SLC16A7: variants seen among roughly 807,000 people sequenced by gnomAD.
The protein encoded by SLC16A7 is solute carrier family 16 member 7.
Under a neutral mutation model 34.9 loss-of-function variants are expected in SLC16A7, and 33 were observed. The ratio of observed to expected loss-of-function variants is 0.94; its 90% CI spans 0.72 to 1.26. The LOEUF (loss-of-function observed/expected upper bound fraction) is 1.26, where lower values mean the gene tolerates loss of function less well. Among genes scored for constraint, SLC16A7 ranks in the 50% most tolerant of loss-of-function variants. The pLI, the probability that SLC16A7 is intolerant of heterozygous loss-of-function variation, is 0.00. For missense variants in SLC16A7, 573 were observed against 578.1 expected, an observed-to-expected ratio of 0.99 and a Z score of 0.09; for synonymous variants, 201 against 206.6, an observed-to-expected ratio of 0.97 and a Z score of 0.23.
At chr12:59,721,562 A>C (rs544367437) in intron 3 of SLC16A7, among the ~76,000 whole-genome samples, 1 of 152,110 alleles carries the variant, frequency 6.6e-6, no homozygotes, top group South Asian at 2.1e-4. Flanking sequence ...TATTTAGACC[A>C]ATGTTACCTG....
Position 59,769,263 on chromosome 12 carries a change from T to G in SLC16A7, c.218-1956T>G, listed in dbSNP as rs189790317. 6 of 152,302 alleles carry G rather than the reference T, an allele frequency of 3.9e-5. No individual in the cohort carries two copies. In the East Asian group the frequency reaches 9.6e-4, roughly 24 times the overall value. The allele number at this position is 152,302 out of a possible 1,614,324, so 9.4% of individuals were successfully genotyped here. Reference sequence around the variant, plus strand: ...TATATGCACTGAGAAACCAAAAAATTTGTGACTCACTTTATTGCAATATTC... The same window carrying G: ...TATATGCACTGAGAAACCAAAAAATGTGTGACTCACTTTATTGCAATATTC... On this transcript the variant is annotated intron_variant, in intron 3 of 5. Transcript: ENST00000547379.
At chr12:59,672,030 TCGC>T (rs1565641222) in intron 2 of SLC16A7, among the ~76,000 whole-genome samples, 9 of 506 alleles carry the variant, frequency 0.018, 2 homozygotes, top group South Asian at 0.083. Flanking sequence ...TGTGTATATA[TCGC>T]ATATATCCGT....
At chr12:59,760,572 G>A (rs553476588) in intron 3 of SLC16A7, among the ~76,000 whole-genome samples, 6 of 152,124 alleles carry the variant, frequency 3.9e-5, no homozygotes, top group East Asian at 1.9e-4. Context: ...TAAAAGTTAC[G>A]TGAATGTGGT....
At chr12:59,627,565 C>G (rs1879984763) in intron 1 of SLC16A7, among the ~76,000 whole-genome samples, 1 of 151,788 alleles carries the variant, frequency 6.6e-6, no homozygotes, top group Non-Finnish European at 1.5e-5. Context: ...CACAAAGCTT[C>G]AGAGGAAGAC....
intron 2 of SLC16A7, among the ~76,000 whole-genome samples, chr12:59,701,704 C>G (rs1220797901): frequency 6.6e-6 from 1 of 151,474 alleles, no homozygotes; most frequent in Non-Finnish European, 1.5e-5. Flanking sequence ...GCATAGTTTC[C>G]TGTCTGTAAA....
chr12:59,765,990 G>A (rs995364529), intron 3 of SLC16A7, among the ~76,000 whole-genome samples: 4 of 152,066 alleles, frequency 2.6e-5, no homozygotes, highest in African/African-American at 9.7e-5. Context: ...CCATTTGTTT[G>A]TATCCTCTTT....
intron 3 of SLC16A7, among the ~76,000 whole-genome samples, chr12:59,738,621 CTT>C (rs1381578093): frequency 6.6e-6 from 1 of 152,094 alleles, no homozygotes; most frequent in Non-Finnish European, 1.5e-5. Context: ...AATTTTGACT[CTT>C]TATCTTAACA....
chr12:59,644,769 C>G (rs1880836824), intron 1 of SLC16A7, among the ~76,000 whole-genome samples: 1 of 152,140 alleles, frequency 6.6e-6, no homozygotes, highest in African/African-American at 2.4e-5. Flanking sequence ...TTCCTCCCTC[C>G]CCTTTCAAAA....
At chr12:59,705,153 A>G in intron 3 of SLC16A7, 135 bp downstream of exon 3, 1 of 611,106 alleles carries the variant, frequency 1.6e-6, no homozygotes, top group South Asian at 2.1e-5. Flanking sequence ...TCAAAAGTAT[A>G]ATTAGAACTG....
At chr12:59,629,029 C>T (rs1391508400) in intron 1 of SLC16A7, among the ~76,000 whole-genome samples, 5 of 151,826 alleles carry the variant, frequency 3.3e-5, no homozygotes, top group Non-Finnish European at 5.9e-5. Flanking sequence ...CTAGCCAATT[C>T]AGTTCCTGGT....
chr12:59,620,547 C>G (rs1180432931), intron 1 of SLC16A7, among the ~76,000 whole-genome samples: 2 of 151,902 alleles, frequency 1.3e-5, no homozygotes, highest in African/African-American at 4.8e-5. Flanking sequence ...TAAGGCCTTT[C>G]TAGTCACTCC....
At chr12:59,758,764 T>A (rs1046794579) in intron 3 of SLC16A7, among the ~76,000 whole-genome samples, 2 of 152,122 alleles carry the variant, frequency 1.3e-5, no homozygotes, top group African/African-American at 4.8e-5. Context: ...CACATGCACA[T>A]CTCTGTGCCA....
Position 59,787,222 on chromosome 12 carries a change from TAA to T in SLC16A7, c.*7545_*7546del, listed in dbSNP as rs1883687498. The stretch of plus-strand genomic sequence containing the variant: ...GAGCACAGAACACACAGTTCAAGTT[TAA>T]ATTATTAAATTGTATGCAAGAAATT... On this transcript the variant is annotated 3_prime_UTR_variant, in exon 6 of 6. Coordinates refer to ENST00000547379, the MANE Select transcript of SLC16A7 (RefSeq NM_001270623.2). 6.6e-6 allele frequency: 1 copy of T among 152,194 alleles called. No individual in the cohort carries two copies. Among genetic ancestry groups the T allele is most frequent in the South Asian group, 2.1e-4 (1 of 4,832 alleles). The allele number at this position is 152,194 out of a possible 1,614,324, so 9.4% of individuals were successfully genotyped here. A position where few individuals can be genotyped will look rare whatever the true frequency, so the allele number is the denominator to read the frequency against.
chr12:59,760,476 G>A (rs1880891724), intron 3 of SLC16A7, among the ~76,000 whole-genome samples: 1 of 152,046 alleles, frequency 6.6e-6, no homozygotes, highest in Non-Finnish European at 1.5e-5. Context: ...TGAAATCACA[G>A]ATAATACTCA....
chr12:59,734,072 AC>A, intron 3 of SLC16A7: 1 of 253,930 alleles, frequency 3.9e-6, no homozygotes, highest in Non-Finnish European at 8.1e-6. Context: ...TGACAGTCTG[AC>A]CCCCAGGCCT....
intron 2 of SLC16A7, among the ~76,000 whole-genome samples, chr12:59,690,170 G>C (rs567407167): frequency 1.3e-5 from 2 of 152,086 alleles, no homozygotes; most frequent in East Asian, 1.9e-4. Context: ...GACTCTGGGA[G>C]AGAAGAAAAG....
chr12:59,749,994 G>A (rs1442357067), intron 3 of SLC16A7, among the ~76,000 whole-genome samples: 2 of 152,118 alleles, frequency 1.3e-5, no homozygotes, highest in Non-Finnish European at 2.9e-5. Flanking sequence ...AATGGTGTGG[G>A]GAAAACTGGC....
At chr12:59,619,658 T>C (rs1879609771) in intron 1 of SLC16A7, among the ~76,000 whole-genome samples, 1 of 151,928 alleles carries the variant, frequency 6.6e-6, no homozygotes. Flanking sequence ...TCACATGACA[T>C]GGACTGAGTA....
intron 3 of SLC16A7, among the ~76,000 whole-genome samples, chr12:59,707,354 T>A (rs1183932171): frequency 1.3e-5 from 2 of 152,054 alleles, no homozygotes; most frequent in Non-Finnish European, 2.9e-5. Flanking sequence ...GACTTGCCTA[T>A]GACAGCCCTC....
Sources: gnomAD v4.1 joint callset for allele counts (sites outside exome capture counted in the v4.1 genomes callset) on GRCh38, gnomAD v4.1.1 for gene constraint, MANE v1.5 for transcripts, NCBI Gene and HGNC (gene_info 2026-07-23, HGNC 2026-07-21) for gene names.